The following ZNF124 variants were observed in gnomAD, a reference collection of about 807,000 sequenced individuals.
ZNF124 encodes zinc finger protein HZF-16.
ZNF124 carries 25 observed loss-of-function variants against 26.6 expected under a neutral mutation model. The observed-to-expected ratio is 0.94, with a 90% confidence interval of 0.68 to 1.31. ZNF124 has a LOEUF of 1.31. Ranked by LOEUF, ZNF124 falls within the 40% of genes most tolerant of loss-of-function variation. The probability of loss-of-function intolerance (pLI) is 0.00; values close to 1 mark genes in which losing one functional copy is unlikely to be tolerated. For missense variants in ZNF124, 444 were observed against 422.2 expected (o/e 1.05, Z -0.45); for synonymous variants, 129 against 133.3 (o/e 0.97, Z 0.22).
chr1:247,152,277 A>G (rs1672968242), downstream of ZNF124, among the ~76,000 whole-genome samples: 1 of 150,022 alleles, frequency 6.7e-6, no homozygotes, highest in South Asian at 2.1e-4. Context: ...AGTAAGCTAC[A>G]ATTTCTAGGT....
intron 3 of ZNF124, among the ~76,000 whole-genome samples, chr1:247,131,042 C>T (rs561899206): frequency 6.6e-6 from 1 of 152,322 alleles, no homozygotes; most frequent in East Asian, 1.9e-4. Context: ...TGCCATTGCA[C>T]CCCAACCTGG....
chr1:247,132,978 G>A (rs1387796719), intron 3 of ZNF124, among the ~76,000 whole-genome samples: 1 of 152,202 alleles, frequency 6.6e-6, no homozygotes, highest in African/African-American at 2.4e-5. Context: ...TTAACCCGGT[G>A]TCTGAGGAGT....
In ZNF124 at chr1:247,157,286, G is replaced by T. The variant is rs1553334397; in HGVS notation, c.336C>A (p.Asp112Glu). 6.2e-7 allele frequency: 1 copy of T among 1,609,056 alleles called. No homozygotes were observed. The highest frequency in any genetic ancestry group is 8.5e-7 in the Non-Finnish European group (1 of 1,177,032). The change falls in exon 4 of 4, where the codon GAC (aspartate) becomes GAA (glutamate). Residue 112 changes from aspartate (D) to glutamate (E), a missense_variant. By Grantham distance (45) the Asp-to-Glu change is conservative. Transcript: ENST00000543802. ...GTCCATTTCCAGTGTGCATTACTGT[G>T]TCTCTGTGAACCCTTGTGACAGAAA... ...TSLSVTRVHR[D>E]TVMHTGNGHY...
intron 3 of ZNF124, among the ~76,000 whole-genome samples, chr1:247,143,140 G>C (rs1572066795): frequency 6.6e-6 from 1 of 151,976 alleles, no homozygotes; most frequent in African/African-American, 2.4e-5. Context: ...TTGTGTAGTT[G>C]GATAGCAGTT....
intron 3 of ZNF124, among the ~76,000 whole-genome samples, chr1:247,148,244 C>T (rs1191847881): frequency 6.6e-6 from 1 of 152,180 alleles, no homozygotes; most frequent in Non-Finnish European, 1.5e-5. Flanking sequence ...CTTACTCTTA[C>T]TCAACTCTCA....
chr1:247,135,210 GA>G (rs777320094), intron 3 of ZNF124, among the ~76,000 whole-genome samples: 1 of 146,272 alleles, frequency 6.8e-6, no homozygotes, highest in Non-Finnish European at 1.5e-5. Context: ...AAGAACTGAA[GA>G]AGACAGAGAC....
chr1:247,140,884 T>C (rs1316227652), intron 3 of ZNF124, among the ~76,000 whole-genome samples: 1 of 152,174 alleles, frequency 6.6e-6, no homozygotes, highest in Admixed American at 6.5e-5. Flanking sequence ...TCTGAAAGTG[T>C]GGGCTTCTCT....
chr1:247,159,424 C>A (rs966345599), intron 2 of ZNF124, among the ~76,000 whole-genome samples: 2 of 152,178 alleles, frequency 1.3e-5, no homozygotes, highest in Non-Finnish European at 2.9e-5. Context: ...AGCATCAGGT[C>A]CTTACCAGAT....
At chr1:247,165,492 A>G (rs1356038844) in intron 1 of ZNF124, among the ~76,000 whole-genome samples, 2 of 152,236 alleles carry the variant, frequency 1.3e-5, no homozygotes, top group Non-Finnish European at 2.9e-5. Context: ...CATTCTGGAC[A>G]TAGGACCTGG....
chr1:247,138,490 A>T lies in ZNF124; in HGVS notation c.219-14619T>A, dbSNP rs1040759008. 53 of 297,352 alleles carry T rather than the reference A, an allele frequency of 1.8e-4. No homozygotes were observed. The East Asian group carries it at 2.6e-3, about 15-fold the overall frequency. The allele number at this position is 297,352 out of a possible 1,614,324, so 18.4% of individuals were successfully genotyped here. On this transcript the variant is annotated intron_variant, in intron 3 of 3. Transcript: ENST00000472531. ...GGGGGTTGGGGGGTGAGGGGAGGGA[A>T]CTTAGAGGACAGGTCAATAGGTGCA...
At chr1:247,125,672 G>C (rs1173326678) in intron 3 of ZNF124, among the ~76,000 whole-genome samples, 1 of 82,786 alleles carries the variant, frequency 1.2e-5, no homozygotes, top group Non-Finnish European at 2.6e-5. Flanking sequence ...CCTCGTGATC[G>C]GCGCCGGCGC....
intron 3 of ZNF124, among the ~76,000 whole-genome samples, chr1:247,134,963 T>C (rs561044538): frequency 9.9e-4 from 151 of 152,228 alleles, no homozygotes; most frequent in African/African-American, 3.5e-3. Context: ...CCACACGATT[T>C]CATGGAAATC....
intron 3 of ZNF124, among the ~76,000 whole-genome samples, chr1:247,144,328 A>C (rs1672706021): frequency 6.6e-6 from 1 of 152,182 alleles, no homozygotes; most frequent in South Asian, 2.1e-4. Flanking sequence ...AAGCCAGATG[A>C]AATAGCGACA....
chr1:247,143,456 G>C (rs1672680790), intron 3 of ZNF124, among the ~76,000 whole-genome samples: 1 of 152,010 alleles, frequency 6.6e-6, no homozygotes, highest in African/African-American at 2.4e-5. Flanking sequence ...CTGGTATTCT[G>C]ATCTACAGAA....
chr1:247,124,884 A>C (rs1184700915), intron 3 of ZNF124, among the ~76,000 whole-genome samples: 3 of 151,786 alleles, frequency 2.0e-5, no homozygotes, highest in East Asian at 3.9e-4. Flanking sequence ...TGCATCCTCG[A>C]CCTCCCCAGG....
rs1221680551 is a variant in ZNF124, at chr1:247,168,608, GAAAC to G, written c.30+3236_30+3239del. ...GCACAATTTGCCACTGCAAAAATAT[GAAAC>G]AAACCTAAAATGCCCATCAACCAAT... On this transcript the variant is annotated intron_variant, in intron 1 of 3. Transcript: ENST00000543802. The surrounding 1 kb of genome is among the most constrained non-coding windows in gnomAD (Gnocchi z 4.0). Among the ~76,000 whole-genome samples, 8 of 152,146 alleles carry G rather than the reference GAAAC, an allele frequency of 5.3e-5. No homozygotes were observed. The highest frequency in any genetic ancestry group is 1.9e-4 in the African/African-American group (8 of 41,420).
chr1:247,138,591 A>G, intron 3 of ZNF124: 1 of 392,634 alleles, frequency 2.5e-6, no homozygotes, highest in Non-Finnish European at 4.5e-6. Context: ...CGTTTGTTTT[A>G]GAAGAAATAA....
At chr1:247,147,308 C>T (rs1672810813) in intron 3 of ZNF124, among the ~76,000 whole-genome samples, 1 of 150,974 alleles carries the variant, frequency 6.6e-6, no homozygotes, top group Non-Finnish European at 1.5e-5. Context: ...CCCACTGCAA[C>T]CTCCGCTTCC....
intron 1 of ZNF124, among the ~76,000 whole-genome samples, chr1:247,166,195 G>GAA (rs755831625): frequency 1.3e-5 from 2 of 152,034 alleles, no homozygotes; most frequent in African/African-American, 4.8e-5. Flanking sequence ...ATAATAAAGT[G>GAA]AAAACAAAAC....
Sources: allele counts gnomAD v4.1 joint callset (sites outside exome capture counted in the v4.1 genomes callset), GRCh38; gene constraint gnomAD v4.1.1; non-coding constraint Gnocchi (gnomAD v3.1); transcripts MANE v1.5; gene names NCBI Gene and HGNC (gene_info 2026-07-23, HGNC 2026-07-21).